ALPK2: variants seen among roughly 807,000 people sequenced by gnomAD.
The protein encoded by ALPK2 is alpha-protein kinase 2.
Under a neutral mutation model 163.1 loss-of-function variants are expected in ALPK2, and 127 were observed. The ratio of observed to expected loss-of-function variants is 0.78; its 90% CI spans 0.67 to 0.90. The LOEUF (loss-of-function observed/expected upper bound fraction) is 0.90. Among genes scored for constraint, ALPK2 ranks in the 40% least tolerant of loss-of-function variants. The pLI is 0.00. For missense variants in ALPK2, 2,360 were observed against 2,589.6 expected, an observed-to-expected ratio of 0.91 and a Z score of 1.92; for synonymous variants, 953 against 959.1, an observed-to-expected ratio of 0.99 and a Z score of 0.12.
At chr18:58,587,875 G>C (rs1018115875) in intron 3 of ALPK2, among the ~76,000 whole-genome samples, 1 of 152,202 alleles carries the variant, frequency 6.6e-6, no homozygotes, top group Non-Finnish European at 1.5e-5. Flanking sequence ...ATGATAGCTT[G>C]AAAGTTTGGA....
At chr18:58,622,599 A>G (rs2052207721) in intron 1 of ALPK2, among the ~76,000 whole-genome samples, 1 of 152,220 alleles carries the variant, frequency 6.6e-6, no homozygotes, top group Non-Finnish European at 1.5e-5. Flanking sequence ...CTATAAACAT[A>G]CAAAGTGTGA....
Position 58,537,541 on chromosome 18 carries a change from G to T in ALPK2, c.2646C>A (p.Gly882=), listed in dbSNP as rs181591368. 5.6e-6 allele frequency: 9 copies of T among 1,613,972 alleles called. No individual in the cohort carries two copies. The East Asian group carries it at 2.0e-4, about 36-fold the overall frequency. ...TAAAAAGAGGGGACATGACTGAGTT[G>T]CCGTCCTTGCTGCTTTTGCACGTAG... The part of the protein sequence containing the change: ...SVSTCKSSKD[G]NSVMSPLFTS... Residue 882 remains glycine (G), a synonymous_variant, in exon 5 of 13, where the codon GGC becomes GGA. Coordinates refer to ENST00000361673, the MANE Select transcript of ALPK2 (RefSeq NM_052947.4).
intron 4 of ALPK2, among the ~76,000 whole-genome samples, chr18:58,574,811 C>T (rs1046368281): frequency 2.0e-5 from 3 of 152,146 alleles, no homozygotes; most frequent in African/African-American, 4.8e-5. Flanking sequence ...ATAGGAAGCA[C>T]GTCCTATTAG....
chr18:58,622,810 A>C (rs2052209032), intron 1 of ALPK2, among the ~76,000 whole-genome samples: 1 of 151,810 alleles, frequency 6.6e-6, no homozygotes, highest in African/African-American at 2.4e-5. Flanking sequence ...TTATGTTCCC[A>C]CCCTCACTCC....
intron 4 of ALPK2, among the ~76,000 whole-genome samples, chr18:58,569,199 C>G (rs533488154): frequency 3.3e-5 from 5 of 152,254 alleles, no homozygotes; most frequent in Non-Finnish European, 7.4e-5. Context: ...GAGACCCAGT[C>G]TTGGGGGGGA....
rs577664342 is a variant in ALPK2, at chr18:58,574,623, C to T, written c.1962+4191G>A. 6.5e-4 allele frequency among the ~76,000 whole-genome samples: 99 copies of T among 152,084 alleles called. 1 individual carries two copies. The highest frequency in any genetic ancestry group is 2.3e-3 in the African/African-American group (97 of 41,478). The stretch of plus-strand genomic sequence containing the variant: ...TACAAGGGATCTAGGTTGCACAGTC[C>T]TTACGAGAATCTAATGCCTGATGAT... On this transcript the variant is annotated intron_variant, in intron 4 of 12. Transcript: ENST00000361673.
rs2051422715 is a variant in ALPK2, at chr18:58,499,885, C to G, written c.6248-1788G>C. 2.0e-5 allele frequency among the ~76,000 whole-genome samples: 3 copies of G among 152,374 alleles called. No individual in the cohort carries two copies. The South Asian group carries it at 6.2e-4, about 32-fold the overall frequency. ...CTAAAGCCAGCCATGAGGATCAGAT[C>G]TGCTGGCCACCTACTTCCGTGGTTC... On this transcript the variant is annotated intron_variant, in intron 11 of 12. Transcript: ENST00000361673.
In ALPK2 at chr18:58,529,006, A is replaced by G. The variant is rs1004041874; in HGVS notation, c.5501+85T>C. On this transcript the variant is annotated intron_variant, in intron 6 of 12. Coordinates refer to ENST00000361673, the MANE Select transcript of ALPK2 (RefSeq NM_052947.4). ...TTCAATTTTCCTTTTCACGTCCTAT[A>G]ATTTATTCTTTTTTCTTTTTTACAA... is the stretch of plus-strand genomic sequence containing the variant. 4.5e-6 allele frequency: 7 copies of G among 1,554,498 alleles called. No individual in the cohort carries two copies. The African/African-American group carries it at 5.5e-5, about 12-fold the overall frequency.
intron 10 of ALPK2, among the ~76,000 whole-genome samples, chr18:58,509,569 C>G (rs932294959): frequency 1.3e-5 from 2 of 151,842 alleles, no homozygotes; most frequent in South Asian, 4.2e-4. Context: ...TTTTAATGAT[C>G]GCCATTCTAA....
chr18:58,584,544 G>C (rs1174532230), intron 3 of ALPK2, among the ~76,000 whole-genome samples: 1 of 152,234 alleles, frequency 6.6e-6, no homozygotes, highest in African/African-American at 2.4e-5. Flanking sequence ...ACACAGTGTA[G>C]AGATCATTCT....
chr18:58,609,675 G>A (rs1170612708), intron 2 of ALPK2, among the ~76,000 whole-genome samples: 1 of 152,174 alleles, frequency 6.6e-6, no homozygotes, highest in East Asian at 1.9e-4. Context: ...GTGGTATCTG[G>A]TATCTTGTGG....
intron 12 of ALPK2, among the ~76,000 whole-genome samples, chr18:58,489,522 C>A (rs755592600): frequency 6.6e-6 from 1 of 150,622 alleles, no homozygotes; most frequent in Admixed American, 6.6e-5. Flanking sequence ...CCCACCCCTA[C>A]AAAAAAAAAT....
intron 4 of ALPK2, among the ~76,000 whole-genome samples, chr18:58,559,971 A>G (rs2051817494): frequency 6.6e-6 from 1 of 152,244 alleles, no homozygotes; most frequent in African/African-American, 2.4e-5. Flanking sequence ...TCGGGAGGTC[A>G]GAAGTCCAAC....
intron 8 of ALPK2, among the ~76,000 whole-genome samples, chr18:58,521,188 C>A (rs1176600662): frequency 6.6e-6 from 1 of 152,224 alleles, no homozygotes; most frequent in South Asian, 2.1e-4. Context: ...CCAGGCTCTA[C>A]GGCTGGAGTC....
At chr18:58,512,973 ATGTG>A (rs1273234718) in intron 10 of ALPK2, among the ~76,000 whole-genome samples, 8 of 67,628 alleles carry the variant, frequency 1.2e-4, no homozygotes, top group African/African-American at 4.0e-4. Context: ...TGGTGTGTGT[ATGTG>A]TGGTGTGTGT....
At chr18:58,510,061 A>G (rs1313338051) in intron 10 of ALPK2, among the ~76,000 whole-genome samples, 3 of 152,216 alleles carry the variant, frequency 2.0e-5, no homozygotes, top group Non-Finnish European at 2.9e-5. Context: ...TAATTTTTAT[A>G]TAAGGTGTAA....
chr18:58,548,610 C>T (rs1046511263), intron 4 of ALPK2, among the ~76,000 whole-genome samples: 19 of 152,102 alleles, frequency 1.2e-4, no homozygotes, highest in African/African-American at 2.2e-4. Context: ...CGTGAGTCAC[C>T]GCGCCCAGCC....
intron 2 of ALPK2, among the ~76,000 whole-genome samples, chr18:58,611,316 A>T (rs2052129928): frequency 6.6e-6 from 1 of 151,674 alleles, no homozygotes; most frequent in African/African-American, 2.4e-5. Flanking sequence ...ATAACAGAAG[A>T]GTTCCATCAA....
intron 8 of ALPK2, among the ~76,000 whole-genome samples, 170 bp downstream of exon 8, chr18:58,523,636 G>A (rs533024744): frequency 6.6e-6 from 1 of 152,118 alleles, no homozygotes; most frequent in African/African-American, 2.4e-5. Flanking sequence ...ATCTCATTGT[G>A]GTTTTGATTT....
Sources: allele counts gnomAD v4.1 joint callset (sites outside exome capture counted in the v4.1 genomes callset), GRCh38; gene constraint gnomAD v4.1.1; transcripts MANE v1.5; gene names NCBI Gene and HGNC (gene_info 2026-07-23, HGNC 2026-07-21).